SHROOM4: variants seen among roughly 807,000 people sequenced by gnomAD.
SHROOM4 encodes the protein shroom family member 4.
In SHROOM4, 17 loss-of-function variants were observed where a neutral mutation model predicts 80.3. The observed-to-expected ratio is 0.21, with a 90% CI of 0.14 to 0.32. SHROOM4 has a LOEUF of 0.32. Ranked by LOEUF, SHROOM4 falls within the 10% of genes least tolerant of loss-of-function variation. The pLI is 1.00. For missense variants in SHROOM4, 993 were observed against 1,140.3 expected, an observed-to-expected ratio of 0.87 and a Z score of 1.86; for synonymous variants, 400 against 437.5, an observed-to-expected ratio of 0.91 and a Z score of 1.07.
chrX:50,604,639 T>C (rs1186482238), intron 6 of SHROOM4, among the ~76,000 whole-genome samples: 2 of 111,768 alleles, frequency 1.8e-5, no homozygotes, highest in African/African-American at 6.5e-5. Context: ...GAAGGTGTTA[T>C]AAAGGAAAAA....
chrX:50,581,134 T>C, the SHROOM4 span, among the ~76,000 whole-genome samples: 3 of 111,764 alleles, frequency 2.7e-5, no homozygotes, highest in Non-Finnish European at 5.6e-5. Flanking sequence ...CAAGTAAATA[T>C]AGAGTTGTGG....
chrX:50,657,779 T>TG (rs1475859545), intron 2 of SHROOM4, among the ~76,000 whole-genome samples: 2 of 104,183 alleles, frequency 1.9e-5, no homozygotes, highest in African/African-American at 3.9e-5. Flanking sequence ...AGTATTGCTT[T>TG]GGGAAAAAAA....
intron 5 of SHROOM4, among the ~76,000 whole-genome samples, chrX:50,608,847 C>T (rs116108845): frequency 0.027 from 2,970 of 112,061 alleles, 92 homozygotes; most frequent in African/African-American, 0.09. Flanking sequence ...TTCCATTCCC[C>T]TATTGCCTCT....
At chrX:50,675,283 A>G (rs57147253) in intron 2 of SHROOM4, among the ~76,000 whole-genome samples, 6,010 of 111,316 alleles carry the variant, frequency 0.054, 183 homozygotes, top group African/African-American at 0.098. Flanking sequence ...ACACAAGTTT[A>G]CCTATTAACT....
intron 2 of SHROOM4, among the ~76,000 whole-genome samples, chrX:50,671,349 A>G (rs1932795958): frequency 8.9e-6 from 1 of 112,082 alleles, no homozygotes; most frequent in South Asian, 3.7e-4. Context: ...TTTTAAATTG[A>G]GGCACTGAAT....
chrX:50,696,794 T>C (rs1343483834), intron 1 of SHROOM4, among the ~76,000 whole-genome samples: 1 of 112,043 alleles, frequency 8.9e-6, no homozygotes, highest in Non-Finnish European at 1.9e-5. Context: ...CAGGGCAATC[T>C]GGGGAAGAAG....
Position 50,667,945 on chromosome X carries a change from T to G in SHROOM4, c.269+27841A>C, listed in dbSNP as rs1932740627. ...GGGGTAGACACCAAGACATAAAACTTTTAGATAATAACTGCTCTACTCCAG... is the reference window on the plus strand; with the variant it reads ...GGGGTAGACACCAAGACATAAAACTGTTAGATAATAACTGCTCTACTCCAG... On this transcript the variant is annotated intron_variant, in intron 2 of 8. Coordinates refer to ENST00000376020, the MANE Select transcript of SHROOM4 (RefSeq NM_020717.5). 6.3e-5 allele frequency among the ~76,000 whole-genome samples: 7 copies of G among 111,339 alleles called. No homozygotes were observed. The South Asian group carries it at 2.7e-3, about 43-fold the overall frequency.
At chrX:50,806,013 G>C (rs1446409713) in intron 1 of SHROOM4, among the ~76,000 whole-genome samples, 1 of 107,946 alleles carries the variant, frequency 9.3e-6, no homozygotes, top group Non-Finnish European at 1.9e-5. Context: ...AGACTAGAAG[G>C]GCTCACTGTG....
At chrX:50,659,785 C>T (rs1557259798) in intron 2 of SHROOM4, among the ~76,000 whole-genome samples, 1 of 111,864 alleles carries the variant, frequency 8.9e-6, no homozygotes, top group African/African-American at 3.2e-5. Context: ...TTTAACCTCT[C>T]TGCCTCACTT....
At chrX:50,782,807 T>C (rs935030929) in intron 1 of SHROOM4, among the ~76,000 whole-genome samples, 7 of 111,529 alleles carry the variant, frequency 6.3e-5, no homozygotes, top group Non-Finnish European at 1.1e-4. Context: ...TCTAAAATAG[T>C]CAAACTCATG....
chrX:50,700,081 C>A (rs1240186341), intron 1 of SHROOM4, among the ~76,000 whole-genome samples: 2 of 111,632 alleles, frequency 1.8e-5, no homozygotes, highest in African/African-American at 3.3e-5. Flanking sequence ...TGGGCATCAA[C>A]TGAAACTTTC....
intron 1 of SHROOM4, among the ~76,000 whole-genome samples, chrX:50,795,954 G>A (rs1936002326): frequency 8.9e-6 from 1 of 112,212 alleles, no homozygotes; most frequent in Admixed American, 9.5e-5. Context: ...TTAAAATGTG[G>A]ATGAAGTGCA....
At chrX:50,719,154 G>A (rs1347385866) in intron 1 of SHROOM4, among the ~76,000 whole-genome samples, 10 of 111,919 alleles carry the variant, frequency 8.9e-5, no homozygotes, top group African/African-American at 6.5e-5. Flanking sequence ...AGTCCTAGGA[G>A]GTCAGTAAGG....
At chrX:50,630,872 A>C (rs1293178950) in intron 4 of SHROOM4, among the ~76,000 whole-genome samples, 1 of 111,914 alleles carries the variant, frequency 8.9e-6, no homozygotes, top group Non-Finnish European at 1.9e-5. Flanking sequence ...AATGTCCCCA[A>C]ATCTATTAAA....
At chrX:50,774,858 A>T (rs1209011180) in intron 1 of SHROOM4, among the ~76,000 whole-genome samples, 1 of 111,777 alleles carries the variant, frequency 8.9e-6, no homozygotes, top group East Asian at 2.8e-4. Context: ...CAGGAGGCAA[A>T]CTATTTATGA....
At chrX:50,624,736 C>T (rs1034858298) in intron 5 of SHROOM4, among the ~76,000 whole-genome samples, 1 of 109,282 alleles carries the variant, frequency 9.2e-6, no homozygotes, top group South Asian at 4.1e-4. Flanking sequence ...CCTCAGCCTC[C>T]TGAGCAGTTA....
chrX:50,809,961 A>C (rs1274398136), intron 1 of SHROOM4, among the ~76,000 whole-genome samples: 1 of 111,311 alleles, frequency 9.0e-6, no homozygotes, highest in African/African-American at 3.3e-5. Context: ...ATATAGGGAA[A>C]CATCATAAAC....
At chrX:50,697,993 T>C (rs1557263220) in intron 1 of SHROOM4, among the ~76,000 whole-genome samples, 1 of 111,942 alleles carries the variant, frequency 8.9e-6, no homozygotes, top group African/African-American at 3.3e-5. Flanking sequence ...CTAATAGATT[T>C]TCCCTGTTGA....
chrX:50,795,140 ATATATGATATATATATATATATATATG>A, intron 1 of SHROOM4, among the ~76,000 whole-genome samples: 1 of 2,490 alleles, frequency 4.0e-4, no homozygotes, highest in Admixed American at 8.2e-3. Flanking sequence ...ATATATATAT[ATATATGATATATATATATATATATATG>A]ATATATATAT....
Sources: gnomAD v4.1 joint callset for allele counts (sites outside exome capture counted in the v4.1 genomes callset) on GRCh38, gnomAD v4.1.1 for gene constraint, MANE v1.5 for transcripts, NCBI Gene and HGNC (gene_info 2026-07-23, HGNC 2026-07-21) for gene names.